Variants in PARP15 observed in about 807,000 individuals in gnomAD.
The protein encoded by PARP15 is protein mono-ADP-ribosyltransferase PARP15.
A neutral mutation model predicts 62.1 loss-of-function variants in PARP15; 50 were observed. That is an observed-to-expected ratio of 0.81 (90% CI 0.64 to 1.02). The LOEUF (loss-of-function observed/expected upper bound fraction) is 1.02. Ranked by LOEUF, PARP15 falls within the 50% of genes least tolerant of loss-of-function variation. The probability of loss-of-function intolerance (pLI) is 0.00; values close to 1 mark genes in which losing one functional copy is unlikely to be tolerated. For missense variants in PARP15, 820 were observed against 826.5 expected (o/e 0.99, Z 0.10); for synonymous variants, 309 against 293.1 (o/e 1.05, Z -0.55).
At chr3:122,579,999 G>GTATATGTA in intron 1 of PARP15, among the ~76,000 whole-genome samples, 1 of 64,460 alleles carries the variant, frequency 1.6e-5, no homozygotes, top group South Asian at 6.2e-4. Context: ...GCAACTATAT[G>GTATATGTA]TATATATATA....
intron 1 of PARP15, among the ~76,000 whole-genome samples, chr3:122,601,828 G>T (rs766875328): frequency 1.3e-5 from 2 of 152,172 alleles, no homozygotes; most frequent in Non-Finnish European, 2.9e-5. Context: ...GGAAGAGTAT[G>T]TTTAGTTTTG....
At chr3:122,619,749 G>A (rs1207821552) in intron 6 of PARP15, 32 bp from the exon 7 acceptor site, 3 of 1,537,004 alleles carry the variant, frequency 2.0e-6, no homozygotes, top group Non-Finnish European at 2.7e-6. Flanking sequence ...AATTCTAACT[G>A]ATGCCTTTTA....
At chr3:122,608,319 G>A (rs1935317971) in intron 2 of PARP15, among the ~76,000 whole-genome samples, 1 of 147,870 alleles carries the variant, frequency 6.8e-6, no homozygotes, top group South Asian at 2.2e-4. Flanking sequence ...GGGTTCAAGT[G>A]ATTCTCCTGC....
chr3:122,626,912 A>G lies in PARP15; in HGVS notation c.1317A>G (p.Ser439=), dbSNP rs1936768265. ...TCTCATCACAACATTCCACCCCATC[A>G]TTAAAAACAGTTAAAGTTGTCATTT... ...VDFSSQHSTP[S]LKTVKVVIFQ... is the part of the protein sequence containing the mutation. Residue 439 remains serine, a synonymous_variant, in exon 9 of 12, where the codon TCA becomes TCG. Transcript: ENST00000464300. 6.2e-7 allele frequency: 1 copy of G among 1,613,976 alleles called. No homozygotes were observed. The highest frequency in any genetic ancestry group is 8.5e-7 in the Non-Finnish European group (1 of 1,179,974).
intron 1 of PARP15, among the ~76,000 whole-genome samples, chr3:122,597,128 C>T (rs998950175): frequency 6.6e-6 from 1 of 152,192 alleles, no homozygotes; most frequent in African/African-American, 2.4e-5. Flanking sequence ...CTTATTTTCT[C>T]TTCCAAAGAT....
intron 1 of PARP15, among the ~76,000 whole-genome samples, chr3:122,595,291 C>T (rs1156892481): frequency 6.7e-6 from 1 of 150,024 alleles, no homozygotes; most frequent in East Asian, 2.0e-4. Context: ...TCTACCTCAC[C>T]CCCATTTCCT....
intron 8 of PARP15, among the ~76,000 whole-genome samples, chr3:122,625,597 G>C (rs988347269): frequency 6.6e-6 from 1 of 152,158 alleles, no homozygotes; most frequent in African/African-American, 2.4e-5. Flanking sequence ...AGGCCATTAA[G>C]GTGGGCCCCA....
intron 1 of PARP15, among the ~76,000 whole-genome samples, chr3:122,590,182 G>A (rs7640452): frequency 0.52 from 78,793 of 150,470 alleles, 20,701 homozygotes; most frequent in African/African-American, 0.58. Flanking sequence ...CACCGCACCC[G>A]GCCTGTAAAG....
chr3:122,624,798 G>C (rs775457352), intron 8 of PARP15, among the ~76,000 whole-genome samples: 1 of 152,032 alleles, frequency 6.6e-6, no homozygotes, highest in Non-Finnish European at 1.5e-5. Context: ...CTTTGTTGTG[G>C]TTTCTTTTCT....
At chr3:122,619,694 G>A in intron 6 of PARP15, 87 bp from the exon 7 acceptor site, 1 of 1,133,810 alleles carries the variant, frequency 8.8e-7, no homozygotes, top group Non-Finnish European at 1.3e-6. Context: ...ACAAAAGGGT[G>A]AGTTGAGCAG....
At chr3:122,580,651 C>T (rs569422377) in intron 1 of PARP15, among the ~76,000 whole-genome samples, 1 of 152,244 alleles carries the variant, frequency 6.6e-6, no homozygotes, top group South Asian at 2.1e-4. Context: ...ATAATGTCTT[C>T]CGGGTTCATC....
intron 1 of PARP15, among the ~76,000 whole-genome samples, chr3:122,598,522 G>T (rs1469754854): frequency 2.0e-5 from 3 of 152,160 alleles, no homozygotes; most frequent in Non-Finnish European, 2.9e-5. Context: ...ATAAATGGCA[G>T]CTGACTTTCC....
At chr3:122,588,490 T>C (rs1933626271) in intron 1 of PARP15, among the ~76,000 whole-genome samples, 1 of 152,146 alleles carries the variant, frequency 6.6e-6, no homozygotes. Flanking sequence ...AGTCCACTGC[T>C]ATCTACTTTT....
intron 1 of PARP15, chr3:122,594,960 C>T (rs1934221005): frequency 1.3e-6 from 1 of 794,378 alleles, no homozygotes; most frequent in Non-Finnish European, 1.5e-6. Flanking sequence ...GGGTTCAGCC[C>T]TGGTTGAGTT....
intron 9 of PARP15, 85 bp from the exon 10 acceptor site, chr3:122,632,001 G>T: frequency 1.3e-6 from 2 of 1,486,840 alleles, no homozygotes; most frequent in Non-Finnish European, 9.3e-7. Flanking sequence ...TTTGGATGAC[G>T]AGAGACAAGT....
At chr3:122,588,006 T>C (rs1287753256) in intron 1 of PARP15, among the ~76,000 whole-genome samples, 1 of 152,210 alleles carries the variant, frequency 6.6e-6, no homozygotes. Context: ...TAGATAACAC[T>C]TCTTTTTATC....
At chr3:122,635,557 C>T (rs1224630606) in intron 11 of PARP15, among the ~76,000 whole-genome samples, 3 of 151,848 alleles carry the variant, frequency 2.0e-5, no homozygotes, top group Admixed American at 1.3e-4. Context: ...TACAGGCATG[C>T]ACCACTATGC....
intron 7 of PARP15, among the ~76,000 whole-genome samples, chr3:122,620,821 T>TCTCCTC (rs71136578): frequency 0.063 from 9,490 of 151,246 alleles, 883 homozygotes; most frequent in African/African-American, 0.21. Context: ...AGGGATCCAC[T>TCTCCTC]CTCCTCCTCC....
intron 1 of PARP15, among the ~76,000 whole-genome samples, chr3:122,588,506 T>C (rs1001855670): frequency 7.9e-5 from 12 of 152,064 alleles, no homozygotes; most frequent in African/African-American, 2.9e-4. Context: ...CTTTTAGAAA[T>C]TTTCAGCAAG....
Sources: allele counts gnomAD v4.1 joint callset (sites outside exome capture counted in the v4.1 genomes callset), GRCh38; gene constraint gnomAD v4.1.1; transcripts MANE v1.5; gene names NCBI Gene and HGNC (gene_info 2026-07-23, HGNC 2026-07-21).